Variants in SRF observed in about 807,000 individuals in gnomAD.
The protein encoded by SRF is c-fos serum response element-binding transcription factor.
In SRF, 7 loss-of-function variants were observed where a neutral mutation model predicts 37.1. The ratio of observed to expected loss-of-function variants is 0.19; its 90% CI spans 0.11 to 0.35. SRF has a LOEUF of 0.35. SRF is among the 10% of genes least tolerant of loss of function. SRF has a pLI of 1.00. For synonymous variants in SRF, 285 were observed against 310.1 expected (o/e 0.92, Z 0.85); for missense variants, 395 against 694.4 (o/e 0.57, Z 4.85).
In SRF at chr6:43,171,617, T is replaced by TCC; in HGVS notation, c.-39_-38dup. 2 of 1,188,772 alleles carry TCC rather than the reference T, an allele frequency of 1.7e-6. No homozygotes were observed. The highest frequency in any genetic ancestry group is 2.1e-6 in the Non-Finnish European group (2 of 958,850). The allele number at this position is 1,188,772 out of a possible 1,614,324, so 73.6% of individuals were successfully genotyped here. A position where few individuals can be genotyped will look rare whatever the true frequency, so the allele number is the denominator to read the frequency against. On this transcript the variant is annotated 5_prime_UTR_variant, in exon 1 of 7. It removes the in-frame stop codon of an upstream open reading frame in the 5' UTR. Coordinates refer to ENST00000265354, the MANE Select transcript of SRF (RefSeq NM_003131.4). The surrounding 1 kb of genome is among the most constrained non-coding windows in gnomAD (Gnocchi z 6.5). Reference sequence around the variant, plus strand: ...TGGCGGCGGCTGCGGCGGCTCCGATTCCTCGCTGACTGCCCGTCCGCCCTC... The same window carrying TCC: ...TGGCGGCGGCTGCGGCGGCTCCGATTCCCCTCGCTGACTGCCCGTCCGCCCTC...
rs1410022609 is a variant in SRF at position 43,179,180 on chromosome 6, A to G, written c.1517A>G (p.Lys506Arg). 1.7e-5 allele frequency: 28 copies of G among 1,614,120 alleles called. No homozygotes were observed. Among genetic ancestry groups the G allele is most frequent in the Non-Finnish European group, 2.4e-5 (28 of 1,180,042 alleles). The change falls in exon 7 of 7, where the codon AAG becomes AGG. Residue 506 changes from lysine (K) to arginine (R), a missense_variant. Physicochemically the swap from Lys to Arg is conservative, Grantham distance 26. Around this residue, in one of 4 missense-constraint regions of SRF, gnomAD observed 232 missense variants for 335.6 expected, o/e 0.69. Coordinates refer to ENST00000265354, the MANE Select transcript of SRF (RefSeq NM_003131.4). The surrounding 1 kb of genome is among the most constrained non-coding windows in gnomAD (Gnocchi z 5.3). The stretch of plus-strand genomic sequence containing the variant: ...AACCTGGACACCGCCCACAGCACCA[A>G]GAGTGAATGATCCGCCCGCCGCCCT... ...VVNLDTAHST[K>R]SE is the part of the protein sequence containing the mutation.
rs1262687593 is a variant in SRF, at chr6:43,178,930, C to T, written c.1431+48C>T. 1 of 1,601,754 alleles carries T rather than the reference C, an allele frequency of 6.2e-7. No individual in the cohort carries two copies. The highest frequency in any genetic ancestry group is 8.6e-7 in the Non-Finnish European group (1 of 1,168,738). On this transcript the variant is annotated intron_variant, in intron 6 of 6. Transcript: ENST00000265354. This position sits in a 1 kb window ranked among gnomAD's most constrained non-coding sequence, Gnocchi z 4.3. ...CCATCCCAGATAGCCACTTCTTTGT[C>T]TTGACCTTAGGGGATCCTGTTACCA...
In SRF at chr6:43,176,456, G is replaced by A. The variant is rs1263415457; in HGVS notation, c.1043-92G>A. 8 of 1,558,978 alleles carry A rather than the reference G, an allele frequency of 5.1e-6. No homozygotes were observed. The African/African-American group carries it at 9.5e-5, about 18-fold the overall frequency. ...ATAGTGATGGGAGTTGGAGACCAGT[G>A]TGCCAGACCCTGGGACTGGGGTGTC... is the stretch of plus-strand genomic sequence containing the variant. On this transcript the variant is annotated intron_variant, in intron 3 of 6. Coordinates refer to ENST00000265354, the MANE Select transcript of SRF (RefSeq NM_003131.4). This position sits in a 1 kb window ranked among gnomAD's most constrained non-coding sequence, Gnocchi z 4.0.
Position 43,176,379 on chromosome 6 carries a change from GC to G in SRF, c.1043-164del, listed in dbSNP as rs930387110. 1.3e-5 allele frequency among the ~76,000 whole-genome samples: 2 copies of G among 152,170 alleles called. No homozygotes were observed. Among genetic ancestry groups the G allele is most frequent in the African/African-American group, 2.4e-5 (1 of 41,424 alleles). ...GGATGGGCAAGAGTAGAGCGTGGAA[GC>G]CCCCAGAGTGGATACTTGGGCCTGA... is the stretch of plus-strand genomic sequence containing the variant. On this transcript the variant is annotated intron_variant, in intron 3 of 6. Transcript: ENST00000265354. This position sits in a 1 kb window ranked among gnomAD's most constrained non-coding sequence, Gnocchi z 4.0.
chr6:43,171,284 T>G lies in SRF; in HGVS notation c.-373T>G. 6.4e-6 allele frequency: 1 copy of G among 155,814 alleles called. No individual in the cohort carries two copies. The highest frequency in any genetic ancestry group is 1.4e-5 in the Non-Finnish European group (1 of 70,422). The allele number at this position is 155,814 out of a possible 1,614,324, so 9.7% of individuals were successfully genotyped here. A position where few individuals can be genotyped will look rare whatever the true frequency, so the allele number is the denominator to read the frequency against. On this transcript the variant is annotated 5_prime_UTR_variant, in exon 1 of 7. Transcript: ENST00000265354. This position sits in a 1 kb window ranked among gnomAD's most constrained non-coding sequence, Gnocchi z 6.5. Reference sequence around the variant, plus strand: ...CCATAAAAGGAAACATTGTATCTCTTTATATGGGGGGAAGGGTCGGGGGAT... The same window carrying G: ...CCATAAAAGGAAACATTGTATCTCTGTATATGGGGGGAAGGGTCGGGGGAT...
rs1050938652 is a variant in SRF at position 43,180,064 on chromosome 6, C to T, written c.*874C>T. On this transcript the variant is annotated 3_prime_UTR_variant, in exon 7 of 7. Transcript: ENST00000265354. ...GGCTGGGCCCCTGGGGACAGAGCCACCCCATGAGCTCGGGGTCCACCAGTG... is the reference window on the plus strand; with the variant it reads ...GGCTGGGCCCCTGGGGACAGAGCCATCCCATGAGCTCGGGGTCCACCAGTG... 13 of 152,196 alleles carry T rather than the reference C, an allele frequency of 8.5e-5. No individual in the cohort carries two copies. Among genetic ancestry groups the T allele is most frequent in the African/African-American group, 3.1e-4 (13 of 41,450 alleles). 9.4% of individuals were successfully genotyped at this position (152,196 alleles called of 1,614,324 possible).
Position 43,171,547 on chromosome 6 carries a change from C to A in SRF, c.-110C>A. 1 of 1,112,312 alleles carries A rather than the reference C, an allele frequency of 9.0e-7. No homozygotes were observed. The highest frequency in any genetic ancestry group is 1.1e-6 in the Non-Finnish European group (1 of 894,358). 68.9% of individuals were successfully genotyped at this position (1,112,312 alleles called of 1,614,324 possible). On this transcript the variant is annotated 5_prime_UTR_variant, in exon 1 of 7. Coordinates refer to ENST00000265354, the MANE Select transcript of SRF (RefSeq NM_003131.4). This position sits in a 1 kb window ranked among gnomAD's most constrained non-coding sequence, Gnocchi z 6.5. ...GCAGCGGCGGCCGCGGCAGCGATAGCGGCACTAGCAGCAGCGGGAGTGCCG... is the reference window on the plus strand; with the variant it reads ...GCAGCGGCGGCCGCGGCAGCGATAGAGGCACTAGCAGCAGCGGGAGTGCCG...
intron 2 of SRF, among the ~76,000 whole-genome samples, chr6:43,174,949 C>T (rs533858782): frequency 2.0e-5 from 3 of 152,280 alleles, no homozygotes; most frequent in Admixed American, 6.5e-5. Context: ...TAGGCTACCT[C>T]CTCTCTTAGT....
At position 43,171,774 on chromosome 6, in the gene SRF, A is replaced by C. The variant is rs1772105333; in HGVS notation, c.118A>C (p.Asn40His). The stretch of plus-strand genomic sequence containing the variant: ...CGGCGGCGGCGGGACACGCGGGGCT[A>C]ACGGGGGCCGGGTCCCCGGGAATGG... ...PGGGGGTRGA[N>H]GGRVPGNGAG... is the part of the protein sequence containing the mutation. The change falls in exon 1 of 7, where the codon AAC becomes CAC. Residue 40 changes from asparagine to histidine, a missense_variant. This residue lies in a region of SRF where 134 missense variants were observed against 204.5 expected (regional missense o/e 0.66). Coordinates refer to ENST00000265354, the MANE Select transcript of SRF (RefSeq NM_003131.4). The surrounding 1 kb of genome is among the most constrained non-coding windows in gnomAD (Gnocchi z 6.5). 1 of 1,212,166 alleles carries C rather than the reference A, an allele frequency of 8.2e-7. No homozygotes were observed. Among genetic ancestry groups the C allele is most frequent in the Non-Finnish European group, 1.0e-6 (1 of 975,790 alleles). The allele number at this position is 1,212,166 out of a possible 1,614,324, so 75.1% of individuals were successfully genotyped here.
In SRF at chr6:43,173,620, G is replaced by C. The variant is rs1345450813; in HGVS notation, c.514-227G>C. 6.6e-6 allele frequency among the ~76,000 whole-genome samples: 1 copy of C among 152,122 alleles called. No individual in the cohort carries two copies. The highest frequency in any genetic ancestry group is 1.5e-5 in the Non-Finnish European group (1 of 68,016). On this transcript the variant is annotated intron_variant, in intron 1 of 6. Coordinates refer to ENST00000265354, the MANE Select transcript of SRF (RefSeq NM_003131.4). The surrounding 1 kb of genome is among the most constrained non-coding windows in gnomAD (Gnocchi z 4.2). ...CCATCACTGGGGGCTGTTACTGTTT[G>C]CTTGGGGTATCTTCAGGTCAATGGG...
At position 43,173,710 on chromosome 6, in the gene SRF, G is replaced by C; in HGVS notation, c.514-137G>C. 8.5e-7 allele frequency: 1 copy of C among 1,174,546 alleles called. No homozygotes were observed. Among genetic ancestry groups the C allele is most frequent in the Non-Finnish European group, 1.2e-6 (1 of 852,456 alleles). 72.8% of individuals were successfully genotyped at this position (1,174,546 alleles called of 1,614,324 possible). ...TCCAGAGATCCTGATAGGACACCCT[G>C]CCCTCAGAGTCATTAGAGACGAAGG... is the stretch of plus-strand genomic sequence containing the variant. On this transcript the variant is annotated intron_variant, in intron 1 of 6. Coordinates refer to ENST00000265354, the MANE Select transcript of SRF (RefSeq NM_003131.4). This position sits in a 1 kb window ranked among gnomAD's most constrained non-coding sequence, Gnocchi z 4.2.
At position 43,172,885 on chromosome 6, in the gene SRF, G is replaced by A. The variant is rs901534147; in HGVS notation, c.513+716G>A. On this transcript the variant is annotated intron_variant, in intron 1 of 6. Transcript: ENST00000265354. The surrounding 1 kb of genome is among the most constrained non-coding windows in gnomAD (Gnocchi z 5.7). ...ATCTATGCTTGGATGGGGTTTGGGGGAAGTCAGGGAGGCTTGCAGAGGTAC... is the reference window on the plus strand; with the variant it reads ...ATCTATGCTTGGATGGGGTTTGGGGAAAGTCAGGGAGGCTTGCAGAGGTAC... Among the ~76,000 whole-genome samples, 2 of 152,130 alleles carry A rather than the reference G, an allele frequency of 1.3e-5. No individual in the cohort carries two copies. Among genetic ancestry groups the A allele is most frequent in the East Asian group, 1.9e-4 (1 of 5,192 alleles).
At chr6:43,177,228 G>GTTTTT (rs544658252) in intron 4 of SRF, among the ~76,000 whole-genome samples, 1 of 116,846 alleles carries the variant, frequency 8.6e-6, no homozygotes, top group African/African-American at 3.8e-5. Flanking sequence ...ATCGGAGTCT[G>GTTTTT]TTTTTTTTTT....
rs1772250341 is a variant in SRF, at chr6:43,178,695, G to A, written c.1355-111G>A. 7 of 1,325,526 alleles carry A rather than the reference G, an allele frequency of 5.3e-6. No homozygotes were observed. Among genetic ancestry groups the A allele is most frequent in the Non-Finnish European group, 6.5e-6 (6 of 926,856 alleles). The allele number at this position is 1,325,526 out of a possible 1,614,324, so 82.1% of individuals were successfully genotyped here. Reference sequence around the variant, plus strand: ...CAGACACACTGGCACCCTTTCCCTTGGGCTCTTACATCTGAGACTGCCCCA... The same window carrying A: ...CAGACACACTGGCACCCTTTCCCTTAGGCTCTTACATCTGAGACTGCCCCA... On this transcript the variant is annotated intron_variant, in intron 5 of 6. Transcript: ENST00000265354. The surrounding 1 kb of genome is among the most constrained non-coding windows in gnomAD (Gnocchi z 4.3).
In SRF at chr6:43,181,077, G is replaced by A. The variant is rs999175004; in HGVS notation, c.*1887G>A. ...TGCCCAGCCCCTTTTCTCTGCTCTT[G>A]TTTCACTCCACCATCACTCACTCAC... On this transcript the variant is annotated 3_prime_UTR_variant, in exon 7 of 7. Transcript: ENST00000265354. 6.6e-6 allele frequency: 1 copy of A among 152,596 alleles called. No individual in the cohort carries two copies. The allele number at this position is 152,596 out of a possible 1,614,324, so 9.5% of individuals were successfully genotyped here.
Position 43,171,750 on chromosome 6 carries a change from G to T in SRF, c.94G>T (p.Gly32Cys). 8.3e-7 allele frequency: 1 copy of T among 1,202,908 alleles called. No individual in the cohort carries two copies. Among genetic ancestry groups the T allele is most frequent in the Non-Finnish European group, 1.0e-6 (1 of 969,294 alleles). The allele number at this position is 1,202,908 out of a possible 1,614,324, so 74.5% of individuals were successfully genotyped here. A position where few individuals can be genotyped will look rare whatever the true frequency, so the allele number is the denominator to read the frequency against. Residue 32 changes from glycine to cysteine, a missense_variant, in exon 1 of 7, where the codon GGC (glycine) becomes TGC (cysteine). This residue lies in a region of SRF where 134 missense variants were observed against 204.5 expected (regional missense o/e 0.66). Coordinates refer to ENST00000265354, the MANE Select transcript of SRF (RefSeq NM_003131.4). This position sits in a 1 kb window ranked among gnomAD's most constrained non-coding sequence, Gnocchi z 6.5. ...CCGGACCCCGACGGGGCGGCCGGGCGGCGGCGGCGGGACACGCGGGGCTAA... is the reference window on the plus strand; with the variant it reads ...CCGGACCCCGACGGGGCGGCCGGGCTGCGGCGGCGGGACACGCGGGGCTAA... ...LNRTPTGRPG[G>C]GGGTRGANGG...
chr6:43,179,399 C>T lies in SRF; in HGVS notation c.*209C>T, dbSNP rs755995945. 7.1e-5 allele frequency: 42 copies of T among 589,388 alleles called. No homozygotes were observed. Among genetic ancestry groups the T allele is most frequent in the South Asian group, 1.2e-4 (6 of 50,674 alleles). 36.5% of individuals were successfully genotyped at this position (589,388 alleles called of 1,614,324 possible). On this transcript the variant is annotated 3_prime_UTR_variant, in exon 7 of 7. Coordinates refer to ENST00000265354, the MANE Select transcript of SRF (RefSeq NM_003131.4). The surrounding 1 kb of genome is among the most constrained non-coding windows in gnomAD (Gnocchi z 5.3). The stretch of plus-strand genomic sequence containing the variant: ...TCCTCCCTCAGCCTCCCCTTCTTCC[C>T]GCCCCACCTCCCATTTCTGTTGCTG...
chr6:43,172,183 G>C lies in SRF; in HGVS notation c.513+14G>C. ...ATCATGAAGAAGGTACCAAGCCGGG[G>C]GGCTGGCCGGCCCCGGGGCCCGGTT... On this transcript the variant is annotated intron_variant, in intron 1 of 6. Coordinates refer to ENST00000265354, the MANE Select transcript of SRF (RefSeq NM_003131.4). The surrounding 1 kb of genome is among the most constrained non-coding windows in gnomAD (Gnocchi z 5.7). 1 of 1,605,620 alleles carries C rather than the reference G, an allele frequency of 6.2e-7. No homozygotes were observed. The highest frequency in any genetic ancestry group is 2.2e-5 in the East Asian group (1 of 44,674).
In SRF at chr6:43,179,746, A is replaced by C. The variant is rs529025033; in HGVS notation, c.*556A>C. ...AGCTCCTGAGTAGCTGGGCCTGTGC[A>C]CTGGGCAGGTTCCTGGGGCCGCCTG... On this transcript the variant is annotated 3_prime_UTR_variant, in exon 7 of 7. Transcript: ENST00000265354. This position sits in a 1 kb window ranked among gnomAD's most constrained non-coding sequence, Gnocchi z 5.3. The C allele has an allele frequency of 1.8e-4, 29 of 158,658 alleles. No homozygotes were observed. The South Asian group carries it at 4.3e-3, about 23-fold the overall frequency. The allele number at this position is 158,658 out of a possible 1,614,324, so 9.8% of individuals were successfully genotyped here. A position where few individuals can be genotyped will look rare whatever the true frequency, so the allele number is the denominator to read the frequency against.
Sources: gnomAD v4.1 joint callset for allele counts (sites outside exome capture counted in the v4.1 genomes callset) on GRCh38, gnomAD v4.1.1 for gene constraint, gnomAD v4.1.1 regional missense constraint, Gnocchi (gnomAD v3.1) non-coding constraint, MANE v1.5 for transcripts, NCBI Gene and HGNC (gene_info 2026-07-23, HGNC 2026-07-21) for gene names.